CWC27: variants seen among roughly 807,000 people sequenced by gnomAD.
The protein encoded by CWC27 is CWC27 spliceosome associated cyclophilin.
CWC27 carries 47 observed loss-of-function variants against 63.6 expected under a neutral mutation model. That is an observed-to-expected ratio of 0.74 (90% CI 0.58 to 0.94). The LOEUF is 0.94. Among genes scored for constraint, CWC27 ranks in the 40% least tolerant of loss-of-function variants. CWC27 has a pLI of 0.00. For missense variants in CWC27, 495 were observed against 554.3 expected (o/e 0.89, Z 1.07); for synonymous variants, 175 against 179.8 (o/e 0.97, Z 0.22).
intron 5 of CWC27, among the ~76,000 whole-genome samples, chr5:64,786,104 G>A (rs1031251057): frequency 2.0e-5 from 3 of 148,282 alleles, no homozygotes; most frequent in Non-Finnish European, 4.4e-5. Flanking sequence ...GGCAGAGGTT[G>A]CAGTGAGCCA....
At chr5:64,918,885 T>C (rs1489333667) in intron 11 of CWC27, among the ~76,000 whole-genome samples, 1 of 152,190 alleles carries the variant, frequency 6.6e-6, no homozygotes, top group Non-Finnish European at 1.5e-5. Flanking sequence ...CCCTCAGTGA[T>C]TCCACATTGA....
At chr5:64,801,517 G>T (rs937655173) in intron 9 of CWC27, among the ~76,000 whole-genome samples, 185 bp downstream of exon 9, 31 of 152,122 alleles carry the variant, frequency 2.0e-4, no homozygotes, top group Non-Finnish European at 3.4e-4. Context: ...TACTCTAGGG[G>T]TGTGCGTGTG....
At chr5:64,901,457 C>CA (rs539302853) in intron 11 of CWC27, among the ~76,000 whole-genome samples, 1,355 of 72,498 alleles carry the variant, frequency 0.019, 9 homozygotes, top group Middle Eastern at 0.032. Context: ...GACTCCATCT[C>CA]AAAAAAAAAA....
chr5:64,833,590 T>G (rs910821406), intron 10 of CWC27, among the ~76,000 whole-genome samples: 3 of 151,776 alleles, frequency 2.0e-5, no homozygotes, highest in Non-Finnish European at 4.4e-5. Context: ...CCACTTGTAT[T>G]GTTCTATGTA....
intron 10 of CWC27, among the ~76,000 whole-genome samples, chr5:64,878,280 T>C (rs1224677017): frequency 1.3e-5 from 2 of 151,626 alleles, no homozygotes; most frequent in Non-Finnish European, 3.0e-5. Flanking sequence ...AGAAAACAAC[T>C]CATCACTGGC....
chr5:64,798,634 A>C (rs1744366150), intron 7 of CWC27, among the ~76,000 whole-genome samples: 1 of 152,218 alleles, frequency 6.6e-6, no homozygotes, highest in Non-Finnish European at 1.5e-5. Flanking sequence ...AGCATGTTTT[A>C]ATTGATTAAC....
At chr5:64,980,121 G>A (rs1749308535) in intron 13 of CWC27, among the ~76,000 whole-genome samples, 1 of 152,148 alleles carries the variant, frequency 6.6e-6, no homozygotes, top group African/African-American at 2.4e-5. Context: ...ATGCATGATA[G>A]AAATTTTTCA....
intron 11 of CWC27, among the ~76,000 whole-genome samples, chr5:64,923,755 C>G (rs1213428387): frequency 6.6e-6 from 1 of 151,430 alleles, no homozygotes. Flanking sequence ...TTTCATTTTT[C>G]TAACTCTAGC....
chr5:64,837,208 A>AT (rs1348798012), intron 10 of CWC27, among the ~76,000 whole-genome samples: 3 of 151,972 alleles, frequency 2.0e-5, no homozygotes, highest in African/African-American at 7.2e-5. Context: ...TTAAGAATTT[A>AT]TTTTTTTGCA....
At chr5:64,854,361 G>T (rs903080487) in intron 10 of CWC27, among the ~76,000 whole-genome samples, 1 of 152,186 alleles carries the variant, frequency 6.6e-6, no homozygotes, top group South Asian at 2.1e-4. Flanking sequence ...TTGAGGAAGT[G>T]CTATACTGTT....
intron 11 of CWC27, among the ~76,000 whole-genome samples, chr5:64,897,760 T>C (rs954207483): frequency 2.6e-5 from 4 of 151,946 alleles, no homozygotes; most frequent in Admixed American, 6.6e-5. Flanking sequence ...ATAAAAAAAA[T>C]TGGACAATCA....
chr5:64,782,109 G>A (rs964379865), intron 3 of CWC27, 76 bp downstream of exon 3: 60 of 725,676 alleles, frequency 8.3e-5, no homozygotes, highest in Non-Finnish European at 1.2e-4. Context: ...TTGCTTAATC[G>A]AAAATGATTG....
rs1013369012 is a variant in CWC27, at chr5:64,801,330, G to A, written c.778G>A (p.Asp260Asn). The stretch of plus-strand genomic sequence containing the variant: ...AAAAGGTGATGCACCAGATTTAGTT[G>A]ATGTAAGTATTTATTTTGGTATTAA... ...SEKGDAPDLV[D>N]DGEDESAEHD... Residue 260 changes from aspartate (D) to asparagine (N), a missense_variant and splice_region_variant, in exon 9 of 14, where the codon GAT (aspartate) becomes AAT (asparagine). Physicochemically the swap from Asp to Asn is conservative, Grantham distance 23 (BLOSUM62 1). Coordinates refer to ENST00000381070, the MANE Select transcript of CWC27 (RefSeq NM_005869.4). The A allele has an allele frequency of 1.4e-6, 2 of 1,385,354 alleles. No individual in the cohort carries two copies. The highest frequency in any genetic ancestry group is 1.9e-6 in the Non-Finnish European group (2 of 1,032,526). The allele number at this position is 1,385,354 out of a possible 1,614,324, so 85.8% of individuals were successfully genotyped here. A position where few individuals can be genotyped will look rare whatever the true frequency, so the allele number is the denominator to read the frequency against.
intron 10 of CWC27, among the ~76,000 whole-genome samples, chr5:64,835,350 G>C (rs1001666355): frequency 6.6e-6 from 1 of 151,844 alleles, no homozygotes; most frequent in Non-Finnish European, 1.5e-5. Context: ...GACTAAGTCA[G>C]TGTTCCTATT....
At chr5:64,965,791 C>T (rs902853522) in intron 11 of CWC27, among the ~76,000 whole-genome samples, 2 of 152,080 alleles carry the variant, frequency 1.3e-5, no homozygotes, top group African/African-American at 2.4e-5. Context: ...CTACAATTTA[C>T]GGGTGAATTT....
intron 7 of CWC27, 150 bp downstream of exon 7, chr5:64,789,170 G>T: frequency 2.2e-6 from 1 of 451,098 alleles, no homozygotes; most frequent in South Asian, 8.1e-5. Flanking sequence ...ATTGATTTGT[G>T]GTCAGTAATA....
intron 7 of CWC27, among the ~76,000 whole-genome samples, chr5:64,793,511 A>G (rs1453847317): frequency 6.6e-6 from 1 of 152,120 alleles, no homozygotes; most frequent in Non-Finnish European, 1.5e-5. Flanking sequence ...AGTTTTTTAC[A>G]CTACCAGCAC....
chr5:64,867,949 C>CTGTTGTTGTTGT (rs879893810), intron 10 of CWC27, among the ~76,000 whole-genome samples: 1 of 146,152 alleles, frequency 6.8e-6, no homozygotes, highest in East Asian at 2.0e-4. Flanking sequence ...GGGGGGGGGG[C>CTGTTGTTGTTGT]TGTTGTTGTT....
At chr5:65,011,235 A>G (rs912978723) in intron 13 of CWC27, among the ~76,000 whole-genome samples, 6 of 152,172 alleles carry the variant, frequency 3.9e-5, no homozygotes, top group African/African-American at 1.4e-4. Context: ...CATCTCAACA[A>G]AAAAGCAGAG....
Sources: allele counts gnomAD v4.1 joint callset (sites outside exome capture counted in the v4.1 genomes callset), GRCh38; gene constraint gnomAD v4.1.1; transcripts MANE v1.5; gene names NCBI Gene and HGNC (gene_info 2026-07-23, HGNC 2026-07-21).